The following ULK4 variants were observed in gnomAD, a reference collection of about 807,000 sequenced individuals.
ULK4 encodes the protein inactive serine/threonine-protein kinase ULK4.
Under a neutral mutation model 160.6 loss-of-function variants are expected in ULK4, and 133 were observed. The ratio of observed to expected loss-of-function variants is 0.83; its 90% CI spans 0.72 to 0.96. ULK4 has a LOEUF of 0.96. Among genes scored for constraint, ULK4 ranks in the 40% least tolerant of loss-of-function variants. The probability of loss-of-function intolerance (pLI) is 0.00; values close to 1 mark genes in which losing one functional copy is unlikely to be tolerated. For missense variants in ULK4, 1,580 were observed against 1,499.5 expected, an observed-to-expected ratio of 1.05 and a Z score of -0.89; for synonymous variants, 534 against 539.8, an observed-to-expected ratio of 0.99 and a Z score of 0.15.
At chr3:41,872,188 G>T (rs1304593554) in intron 17 of ULK4, among the ~76,000 whole-genome samples, 2 of 152,142 alleles carry the variant, frequency 1.3e-5, no homozygotes, top group African/African-American at 2.4e-5. Context: ...AAAGTTAAAG[G>T]TGTTTACCAA....
chr3:41,422,804 G>A (rs183930322), intron 34 of ULK4, among the ~76,000 whole-genome samples: 91 of 152,164 alleles, frequency 6.0e-4, no homozygotes, highest in African/African-American at 2.1e-3. Context: ...AAATAAAAAC[G>A]TGTTTATATC....
chr3:41,694,615 T>C (rs1169704753), intron 27 of ULK4, among the ~76,000 whole-genome samples: 2 of 152,174 alleles, frequency 1.3e-5, no homozygotes, highest in African/African-American at 2.4e-5. Flanking sequence ...TATACCAAAA[T>C]CCAGTGATCC....
Position 41,419,566 on chromosome 3 carries a change from A to C in ULK4, c.3493-21302T>G, listed in dbSNP as rs779539451. Among the ~76,000 whole-genome samples the C allele has an allele frequency of 3.6e-4, 55 of 152,220 alleles. 1 individual carries two copies. Among genetic ancestry groups the C allele is most frequent in the Non-Finnish European group, 7.3e-4 (50 of 68,038 alleles). On this transcript the variant is annotated intron_variant, in intron 34 of 36. Coordinates refer to ENST00000301831, the MANE Select transcript of ULK4 (RefSeq NM_017886.4). ...GTGAGAGGTGGTAACACCGCCCTGC[A>C]GTGGTGGCGGTGGAGCTTGGAAAGT...
intron 13 of ULK4, among the ~76,000 whole-genome samples, chr3:41,899,759 GA>G (rs914227012): frequency 2.6e-5 from 4 of 152,148 alleles, no homozygotes; most frequent in African/African-American, 9.7e-5. Flanking sequence ...AGCCCACGTT[GA>G]AAATGCCCCA....
intron 5 of ULK4, among the ~76,000 whole-genome samples, chr3:41,921,541 G>A (rs1200812904): frequency 6.6e-6 from 1 of 152,130 alleles, no homozygotes; most frequent in Admixed American, 6.5e-5. Context: ...CATGAACCCA[G>A]GAGGCGGAGT....
chr3:41,398,075 T>A lies in ULK4; in HGVS notation c.3678+4A>T. On this transcript the variant is annotated splice_donor_region_variant and intron_variant, in intron 35 of 36. Transcript: ENST00000301831. Reference sequence around the variant, plus strand: ...CAGTGTCCCCGGTTTCTGTGTGAACTCACCATTCTTCTGAGAATCCTTAAC... The same window carrying A: ...CAGTGTCCCCGGTTTCTGTGTGAACACACCATTCTTCTGAGAATCCTTAAC... The A allele has an allele frequency of 6.2e-7, 1 of 1,611,424 alleles. No individual in the cohort carries two copies. Among genetic ancestry groups the A allele is most frequent in the East Asian group, 2.2e-5 (1 of 44,804 alleles).
At chr3:41,886,574 A>T (rs1157016936) in intron 16 of ULK4, among the ~76,000 whole-genome samples, 5 of 145,284 alleles carry the variant, frequency 3.4e-5, no homozygotes, top group Non-Finnish European at 7.6e-5. Flanking sequence ...TAAAATGTGA[A>T]TTTTTTTTTT....
intron 35 of ULK4, among the ~76,000 whole-genome samples, chr3:41,285,098 T>C (rs575794073): frequency 6.6e-6 from 1 of 152,270 alleles, no homozygotes; most frequent in South Asian, 2.1e-4. Flanking sequence ...ACAGTAGATG[T>C]GGGCATGGAA....
intron 30 of ULK4, among the ~76,000 whole-genome samples, chr3:41,648,118 G>A (rs968276050): frequency 5.9e-5 from 9 of 152,198 alleles, no homozygotes; most frequent in Non-Finnish European, 1.3e-4. Context: ...CTTTGACTAG[G>A]AGAGGGAACT....
chr3:41,737,802 G>A lies in ULK4; in HGVS notation c.2321+16559C>T, dbSNP rs907963696. On this transcript the variant is annotated intron_variant, in intron 22 of 36. Transcript: ENST00000301831. ...TATTATCTCTCAGCTTATGATGGCC[G>A]GATGATAAATAAGTTTGGGCCCAAA... is the stretch of plus-strand genomic sequence containing the variant. Among the ~76,000 whole-genome samples the A allele has an allele frequency of 7.9e-5, 12 of 151,824 alleles. No individual in the cohort carries two copies. The East Asian group carries it at 9.6e-4, about 12-fold the overall frequency.
At chr3:41,465,031 A>C (rs1388584055) in intron 32 of ULK4, among the ~76,000 whole-genome samples, 3 of 152,208 alleles carry the variant, frequency 2.0e-5, no homozygotes, top group Non-Finnish European at 4.4e-5. Context: ...CACTGAAGTC[A>C]CCAGCTCCCA....
intron 18 of ULK4, among the ~76,000 whole-genome samples, chr3:41,821,782 T>G (rs1257289881): frequency 6.6e-6 from 1 of 152,122 alleles, no homozygotes; most frequent in African/African-American, 2.4e-5. Context: ...CACCTTCCAC[T>G]AACTCCTCGC....
intron 35 of ULK4, among the ~76,000 whole-genome samples, chr3:41,355,232 G>A (rs1018258042): frequency 6.6e-5 from 10 of 152,090 alleles, no homozygotes; most frequent in African/African-American, 2.4e-4. Flanking sequence ...AGGTGGAATG[G>A]CACACCCATA....
chr3:41,316,348 A>C (rs796711830), intron 35 of ULK4, among the ~76,000 whole-genome samples: 6 of 152,344 alleles, frequency 3.9e-5, no homozygotes, highest in African/African-American at 1.4e-4. Flanking sequence ...AACTGCTAAT[A>C]CACTAAAAAC....
chr3:41,450,216 T>C (rs1283055224), intron 34 of ULK4, among the ~76,000 whole-genome samples: 3 of 152,150 alleles, frequency 2.0e-5, no homozygotes, highest in Non-Finnish European at 4.4e-5. Flanking sequence ...ATAAGCACCT[T>C]GCTTTATCTT....
intron 21 of ULK4, among the ~76,000 whole-genome samples, chr3:41,770,149 T>C (rs1398310727): frequency 6.6e-6 from 1 of 152,248 alleles, no homozygotes; most frequent in Non-Finnish European, 1.5e-5. Context: ...TTAATATGTA[T>C]AAATTAATTT....
intron 32 of ULK4, among the ~76,000 whole-genome samples, chr3:41,506,849 G>A (rs1417542086): frequency 7.8e-6 from 1 of 128,922 alleles, no homozygotes; most frequent in Non-Finnish European, 1.6e-5. Context: ...GATAATAACT[G>A]AAACTGGTCT....
intron 30 of ULK4, among the ~76,000 whole-genome samples, chr3:41,650,763 C>T (rs765898128): frequency 2.6e-5 from 4 of 152,204 alleles, no homozygotes; most frequent in Non-Finnish European, 5.9e-5. Context: ...CAGAGGTTTC[C>T]AGCTGCAAAA....
At chr3:41,949,741 T>C (rs1308933257) in intron 2 of ULK4, among the ~76,000 whole-genome samples, 7 of 147,694 alleles carry the variant, frequency 4.7e-5, no homozygotes, top group Middle Eastern at 3.5e-3. Context: ...GCCTTTTTTT[T>C]TTTCTTTCTT....
Sources: gnomAD v4.1 joint callset for allele counts (sites outside exome capture counted in the v4.1 genomes callset) on GRCh38, gnomAD v4.1.1 for gene constraint, MANE v1.5 for transcripts, NCBI Gene and HGNC (gene_info 2026-07-23, HGNC 2026-07-21) for gene names.